Variants in ARMC2 observed in about 807,000 individuals in gnomAD.
ARMC2 encodes armadillo repeat containing 2, also known as armadillo repeat-containing protein 2.
Under a neutral mutation model 90.3 loss-of-function variants are expected in ARMC2, and 67 were observed. The observed-to-expected ratio is 0.74, with a 90% CI of 0.61 to 0.91. The LOEUF (loss-of-function observed/expected upper bound fraction) is 0.91, where lower values mean the gene tolerates loss of function less well. Among genes scored for constraint, ARMC2 ranks in the 40% least tolerant of loss-of-function variants. The pLI is 0.00. For synonymous variants in ARMC2, 393 were observed against 393.0 expected (o/e 1.00, Z 0.00); for missense variants, 920 against 1,030.9 (o/e 0.89, Z 1.47).
the ARMC2 span, among the ~76,000 whole-genome samples, chr6:109,030,781 T>C: frequency 6.6e-6 from 1 of 152,242 alleles, no homozygotes; most frequent in African/African-American, 2.4e-5. Flanking sequence ...ATAGAGTGAC[T>C]TGTACAACTT....
At chr6:109,050,294 G>A in the ARMC2 span, among the ~76,000 whole-genome samples, 6 of 151,408 alleles carry the variant, frequency 4.0e-5, no homozygotes, top group East Asian at 5.8e-4. Flanking sequence ...CTGCAACAGC[G>A]CCATTAAGTA....
intron 4 of ARMC2, among the ~76,000 whole-genome samples, chr6:108,870,958 C>T (rs1378552503): frequency 1.3e-5 from 2 of 152,132 alleles, no homozygotes; most frequent in South Asian, 2.1e-4. Context: ...ATAATGGACT[C>T]GAGAGTGACT....
At chr6:109,009,365 C>T in the ARMC2 span, 1 of 1,469,652 alleles carries the variant, frequency 6.8e-7, no homozygotes, top group African/African-American at 1.5e-5. Flanking sequence ...GTACCTCGTC[C>T]TGGTCGCGGC....
chr6:108,892,914 G>C (rs115075855), intron 5 of ARMC2, among the ~76,000 whole-genome samples: 11 of 152,284 alleles, frequency 7.2e-5, no homozygotes, highest in African/African-American at 2.6e-4. Flanking sequence ...GAGAAGCCAC[G>C]GGCACATACA....
intron 2 of ARMC2, chr6:108,856,373 C>CT (rs1334933746): frequency 3.1e-5 from 5 of 163,302 alleles, no homozygotes; most frequent in African/African-American, 1.2e-4. Context: ...TTGAAGTACT[C>CT]TTTGATAACA....
the ARMC2 span, among the ~76,000 whole-genome samples, chr6:109,041,138 TA>T: frequency 0.12 from 15,715 of 134,922 alleles, 911 homozygotes; most frequent in South Asian, 0.19. Context: ...CTGTTTCTAT[TA>T]AAAAAAAAAA....
intron 17 of ARMC2, among the ~76,000 whole-genome samples, chr6:108,971,920 CA>C (rs1205056763): frequency 0.19 from 13,788 of 73,658 alleles, 601 homozygotes; most frequent in Middle Eastern, 0.33. Context: ...GAGTCCATCT[CA>C]AAAAAAAAAA....
At chr6:108,984,417 C>T in the ARMC2 span, among the ~76,000 whole-genome samples, 1 of 152,198 alleles carries the variant, frequency 6.6e-6, no homozygotes, top group Non-Finnish European at 1.5e-5. Context: ...ATGGCACACT[C>T]TAGCTGTGTC....
At chr6:108,921,659 A>G (rs1774584784) in intron 10 of ARMC2, among the ~76,000 whole-genome samples, 1 of 152,208 alleles carries the variant, frequency 6.6e-6, no homozygotes, top group Non-Finnish European at 1.5e-5. Flanking sequence ...TGTGGCCTCA[A>G]TTGGGCACAA....
At chr6:108,888,949 C>G (rs1478827683) in intron 5 of ARMC2, among the ~76,000 whole-genome samples, 7 of 152,152 alleles carry the variant, frequency 4.6e-5, no homozygotes. Context: ...TCCTTATTGC[C>G]TGTCAAATCA....
the ARMC2 span, among the ~76,000 whole-genome samples, chr6:109,042,354 C>A: frequency 6.6e-6 from 1 of 151,214 alleles, no homozygotes; most frequent in African/African-American, 2.4e-5. Flanking sequence ...TAATAAAGAA[C>A]AAACATCAAT....
intron 2 of ARMC2, among the ~76,000 whole-genome samples, chr6:108,857,495 A>G (rs1480144843): frequency 6.6e-6 from 1 of 152,030 alleles, no homozygotes; most frequent in Non-Finnish European, 1.5e-5. Context: ...GTATGCTTTT[A>G]ATTTCTTTTT....
the ARMC2 span, among the ~76,000 whole-genome samples, chr6:109,019,717 G>A: frequency 1.3e-5 from 2 of 152,024 alleles, no homozygotes; most frequent in African/African-American, 2.4e-5. Context: ...GTTTGGATTT[G>A]TTCTTATTAA....
At position 108,858,262 on chromosome 6, in the gene ARMC2, A is replaced by T. The variant is rs1214285725; in HGVS notation, c.282A>T (p.Pro94=). The T allele has an allele frequency of 6.2e-7, 1 of 1,607,718 alleles. No homozygotes were observed. Residue 94 remains proline (P), a synonymous_variant, in exon 3 of 18, where the codon CCA becomes CCT. Coordinates refer to ENST00000392644, the MANE Select transcript of ARMC2 (RefSeq NM_032131.6). ...CTATCTCTGGCACACGTCTTAGTCC[A>T]CTAGAGCTGGTGAGTACTTTGTATA... ...SRPISGTRLS[P]LELKPKVPAS... is the part of the protein sequence containing the mutation.
chr6:109,050,049 T>C, the ARMC2 span, among the ~76,000 whole-genome samples: 1 of 152,206 alleles, frequency 6.6e-6, no homozygotes, highest in African/African-American at 2.4e-5. Context: ...TTTAAAACTC[T>C]GTATATGAAG....
At chr6:108,905,280 C>A (rs960522898) in intron 8 of ARMC2, among the ~76,000 whole-genome samples, 3 of 152,132 alleles carry the variant, frequency 2.0e-5, no homozygotes, top group Non-Finnish European at 4.4e-5. Context: ...ATAATGAAGT[C>A]TTTCATAAAG....
intron 13 of ARMC2, among the ~76,000 whole-genome samples, chr6:108,956,747 T>C (rs1334962154): frequency 6.6e-6 from 1 of 151,996 alleles, no homozygotes; most frequent in African/African-American, 2.4e-5. Flanking sequence ...ATCCCAGCAC[T>C]TTGGGAGGCT....
At position 108,936,548 on chromosome 6, in the gene ARMC2, G is replaced by A. The variant is rs558714287; in HGVS notation, c.1497-352G>A. Reference sequence around the variant, plus strand: ...TGGGATTACAGGCGTGAGGCACCACGCCTGGCCTATTAAAGCAGTTTTACA... The same window carrying A: ...TGGGATTACAGGCGTGAGGCACCACACCTGGCCTATTAAAGCAGTTTTACA... On this transcript the variant is annotated intron_variant, in intron 11 of 17. Coordinates refer to ENST00000392644, the MANE Select transcript of ARMC2 (RefSeq NM_032131.6). 3.3e-5 allele frequency among the ~76,000 whole-genome samples: 5 copies of A among 152,278 alleles called. No homozygotes were observed. The South Asian group carries it at 6.2e-4, about 19-fold the overall frequency.
At chr6:109,022,700 C>G in the ARMC2 span, among the ~76,000 whole-genome samples, 16 of 152,008 alleles carry the variant, frequency 1.1e-4, no homozygotes, top group African/African-American at 3.4e-4. Flanking sequence ...AGACATGAAA[C>G]ACCATGCCTG....
Sources: allele counts gnomAD v4.1 joint callset (sites outside exome capture counted in the v4.1 genomes callset), GRCh38; gene constraint gnomAD v4.1.1; transcripts MANE v1.5; gene names NCBI Gene and HGNC (gene_info 2026-07-23, HGNC 2026-07-21).